SEMA3E: variants seen among roughly 807,000 people sequenced by gnomAD.
The protein encoded by SEMA3E is semaphorin-3E.
In SEMA3E, 49 loss-of-function variants were observed where a neutral mutation model predicts 93.6. The ratio of observed to expected loss-of-function variants is 0.52; its 90% CI spans 0.42 to 0.66. SEMA3E has a LOEUF of 0.66. Among genes scored for constraint, SEMA3E ranks in the 30% least tolerant of loss-of-function variants. The pLI is 0.00. For synonymous variants in SEMA3E, 363 were observed against 330.7 expected, an observed-to-expected ratio of 1.10 and a Z score of -1.06; for missense variants, 906 against 964.8, an observed-to-expected ratio of 0.94 and a Z score of 0.81.
At chr7:83,390,728 A>G (rs1199578482) in intron 14 of SEMA3E, among the ~76,000 whole-genome samples, 1 of 152,158 alleles carries the variant, frequency 6.6e-6, no homozygotes, top group East Asian at 1.9e-4. Context: ...GATCTCCATT[A>G]CATGTCACTG....
At chr7:83,481,569 A>C (rs1415947170) in intron 2 of SEMA3E, among the ~76,000 whole-genome samples, 2 of 152,172 alleles carry the variant, frequency 1.3e-5, no homozygotes, top group Non-Finnish European at 2.9e-5. Context: ...AAATGGAGTT[A>C]CTAAATTGGA....
At chr7:83,507,424 CTGTGTGTGTGTGTGTGTGTGTGTGTG>C (rs4016317) in intron 1 of SEMA3E, among the ~76,000 whole-genome samples, 3 of 125,928 alleles carry the variant, frequency 2.4e-5, no homozygotes, top group Non-Finnish European at 5.1e-5. Flanking sequence ...AAACAGAACT[CTGTGTGTGTGTGTGTGTGTGTGTGTG>C]TGTGTGTGTG....
At chr7:83,404,406 G>A (rs1251531292) in intron 9 of SEMA3E, among the ~76,000 whole-genome samples, 3 of 151,786 alleles carry the variant, frequency 2.0e-5, no homozygotes, top group Non-Finnish European at 4.4e-5. Flanking sequence ...GACAGTTTAT[G>A]GCTTATATGA....
chr7:83,605,912 A>T (rs1793107596), intron 1 of SEMA3E, among the ~76,000 whole-genome samples: 1 of 152,060 alleles, frequency 6.6e-6, no homozygotes, highest in Admixed American at 6.6e-5. Flanking sequence ...GTTCATTCTG[A>T]TGGTAGTTTC....
chr7:83,553,331 A>C (rs1460239253), intron 1 of SEMA3E, among the ~76,000 whole-genome samples: 2 of 152,154 alleles, frequency 1.3e-5, no homozygotes, highest in Non-Finnish European at 2.9e-5. Flanking sequence ...GCAGTCATCC[A>C]CACTCACAAT....
chr7:83,443,179 G>A (rs1052739205), intron 4 of SEMA3E, among the ~76,000 whole-genome samples: 2 of 152,140 alleles, frequency 1.3e-5, no homozygotes, highest in Admixed American at 1.3e-4. Context: ...CAGGGTAGTG[G>A]AGTACCTTTG....
At chr7:83,531,347 T>TTTTC (rs1361795653) in intron 1 of SEMA3E, among the ~76,000 whole-genome samples, 1 of 133,726 alleles carries the variant, frequency 7.5e-6, no homozygotes, top group Non-Finnish European at 1.6e-5. Context: ...TATTCTTTTT[T>TTTTC]TTTTTTTTTT....
intron 1 of SEMA3E, among the ~76,000 whole-genome samples, chr7:83,507,424 CTGTGTGTGTGTGTGTGTGTGTGTG>C (rs4016317): frequency 7.1e-4 from 89 of 125,994 alleles, no homozygotes; most frequent in African/African-American, 2.2e-3. Flanking sequence ...AAACAGAACT[CTGTGTGTGTGTGTGTGTGTGTGTG>C]TGTGTGTGTG....
At chr7:83,566,310 G>A (rs10266253) in intron 1 of SEMA3E, among the ~76,000 whole-genome samples, 2,662 of 151,812 alleles carry the variant, frequency 0.018, 76 homozygotes, top group African/African-American at 0.059. Flanking sequence ...CCAGCCCAAT[G>A]TTTCCATTCT....
chr7:83,538,290 T>G (rs1370370724), intron 1 of SEMA3E, among the ~76,000 whole-genome samples: 1 of 152,166 alleles, frequency 6.6e-6, no homozygotes, highest in Non-Finnish European at 1.5e-5. Flanking sequence ...AGCAGCTGCA[T>G]CATTTTACAT....
chr7:83,575,654 G>T (rs934910756), intron 1 of SEMA3E, among the ~76,000 whole-genome samples: 1 of 152,034 alleles, frequency 6.6e-6, no homozygotes, highest in Admixed American at 6.6e-5. Flanking sequence ...TGCTTTCACT[G>T]GTCATTAAAT....
At chr7:83,382,657 A>G (rs1007088992) in intron 16 of SEMA3E, among the ~76,000 whole-genome samples, 1 of 151,440 alleles carries the variant, frequency 6.6e-6, no homozygotes, top group African/African-American at 2.4e-5. Context: ...TATAATTCTT[A>G]ATAACTTATT....
At chr7:83,410,939 T>C (rs1033500137) in intron 5 of SEMA3E, among the ~76,000 whole-genome samples, 2 of 152,126 alleles carry the variant, frequency 1.3e-5, no homozygotes, top group Non-Finnish European at 2.9e-5. Flanking sequence ...TAATGTATAA[T>C]GGGAATGAAG....
intron 4 of SEMA3E, among the ~76,000 whole-genome samples, chr7:83,456,537 TTC>T (rs1562790262): frequency 6.6e-6 from 1 of 152,042 alleles, no homozygotes; most frequent in Non-Finnish European, 1.5e-5. Context: ...AAGAAAAATC[TTC>T]TTTCAGCATT....
chr7:83,621,152 G>A (rs1011358511), intron 1 of SEMA3E, among the ~76,000 whole-genome samples: 2 of 152,096 alleles, frequency 1.3e-5, no homozygotes, highest in Non-Finnish European at 2.9e-5. Flanking sequence ...CAAAGTTTCA[G>A]GATACAAAAT....
At chr7:83,629,294 C>T (rs1050389864) in intron 1 of SEMA3E, among the ~76,000 whole-genome samples, 1 of 152,180 alleles carries the variant, frequency 6.6e-6, no homozygotes, top group African/African-American at 2.4e-5. Flanking sequence ...ATCAGGGACC[C>T]ACTTGAGGAG....
chr7:83,593,757 C>T (rs1029199124), intron 1 of SEMA3E, among the ~76,000 whole-genome samples: 2 of 151,710 alleles, frequency 1.3e-5, no homozygotes, highest in African/African-American at 4.8e-5. Flanking sequence ...GTAAGATGCC[C>T]GGGTCTAGAG....
chr7:83,616,914 G>A (rs189156704), intron 1 of SEMA3E, among the ~76,000 whole-genome samples: 17 of 151,968 alleles, frequency 1.1e-4, no homozygotes, highest in Admixed American at 7.9e-4. Context: ...TGGTAGAGAC[G>A]GGGTTTCACC....
At chr7:83,554,195 C>A (rs1432976804) in intron 1 of SEMA3E, among the ~76,000 whole-genome samples, 1 of 151,950 alleles carries the variant, frequency 6.6e-6, no homozygotes, top group African/African-American at 2.4e-5. Context: ...GGATTTTCAC[C>A]TTTTTATATT....
Sources: gnomAD v4.1 joint callset for allele counts (sites outside exome capture counted in the v4.1 genomes callset) on GRCh38, gnomAD v4.1.1 for gene constraint, MANE v1.5 for transcripts, NCBI Gene and HGNC (gene_info 2026-07-23, HGNC 2026-07-21) for gene names.